Variants in CTNNA3 observed in about 807,000 individuals in gnomAD.
CTNNA3 encodes the protein catenin alpha 3.
Under a neutral mutation model 95.7 loss-of-function variants are expected in CTNNA3, and 76 were observed. The observed-to-expected ratio is 0.79, with a 90% confidence interval of 0.66 to 0.96. CTNNA3 has a LOEUF of 0.96. Ranked by LOEUF, CTNNA3 falls within the 40% of genes least tolerant of loss-of-function variation. The probability of loss-of-function intolerance (pLI) is 0.00; values close to 1 mark genes in which losing one functional copy is unlikely to be tolerated. For synonymous variants in CTNNA3, 431 were observed against 374.4 expected (o/e 1.15, Z -1.74); for missense variants, 1,191 against 1,089.8 (o/e 1.09, Z -1.31).
At chr10:67,157,669 C>G (rs927396251) in intron 7 of CTNNA3, among the ~76,000 whole-genome samples, 2 of 152,014 alleles carry the variant, frequency 1.3e-5, no homozygotes, top group African/African-American at 4.8e-5. Flanking sequence ...TTTGTTTTTG[C>G]AATTAGCCGC....
At chr10:66,482,890 TAAG>T (rs1056080479) in intron 11 of CTNNA3, among the ~76,000 whole-genome samples, 4 of 152,056 alleles carry the variant, frequency 2.6e-5, no homozygotes, top group African/African-American at 9.7e-5. Context: ...ATGTGGGAAT[TAAG>T]GAGGAGGGCC....
chr10:66,583,229 T>A (rs1383402155), intron 10 of CTNNA3, among the ~76,000 whole-genome samples: 1 of 151,882 alleles, frequency 6.6e-6, no homozygotes, highest in South Asian at 2.1e-4. Flanking sequence ...ATTCTTTGGA[T>A]GTCTGGTAGA....
chr10:66,642,428 C>T (rs2132383765), intron 9 of CTNNA3, among the ~76,000 whole-genome samples: 1 of 152,118 alleles, frequency 6.6e-6, no homozygotes, highest in African/African-American at 2.4e-5. Context: ...ACCCTACACA[C>T]CAGTTGTGTG....
At chr10:66,719,058 A>G (rs953573678) in intron 9 of CTNNA3, among the ~76,000 whole-genome samples, 1 of 152,102 alleles carries the variant, frequency 6.6e-6, no homozygotes, top group Admixed American at 6.6e-5. Context: ...AAATCACTCA[A>G]TGTTCTCCAA....
intron 12 of CTNNA3, among the ~76,000 whole-genome samples, chr10:66,370,618 G>A (rs2092746541): frequency 6.6e-6 from 1 of 152,090 alleles, no homozygotes; most frequent in South Asian, 2.1e-4. Context: ...CTGGGAAGGA[G>A]CTAAAACTGC....
At chr10:67,467,000 C>A (rs1847619666) in intron 5 of CTNNA3, among the ~76,000 whole-genome samples, 1 of 152,128 alleles carries the variant, frequency 6.6e-6, no homozygotes, top group South Asian at 2.1e-4. Flanking sequence ...TTGCTGGGCA[C>A]AGTAGCGCAC....
At chr10:66,900,074 G>A (rs1845672946) in intron 7 of CTNNA3, among the ~76,000 whole-genome samples, 1 of 152,126 alleles carries the variant, frequency 6.6e-6, no homozygotes, top group African/African-American at 2.4e-5. Context: ...TGTGTAGCCT[G>A]ACTGGGAGGC....
intron 3 of CTNNA3, among the ~76,000 whole-genome samples, chr10:67,540,738 T>C (rs553359011): frequency 2.0e-5 from 3 of 152,054 alleles, no homozygotes; most frequent in African/African-American, 7.2e-5. Flanking sequence ...TGTAAAAATA[T>C]AGAGCCTTTA....
At chr10:66,166,035 G>A (rs966037040) in intron 13 of CTNNA3, among the ~76,000 whole-genome samples, 2 of 151,722 alleles carry the variant, frequency 1.3e-5, no homozygotes, top group African/African-American at 4.8e-5. Flanking sequence ...CAAAGTGCTG[G>A]GATTACAGGT....
chr10:67,459,722 A>G (rs555386978), intron 5 of CTNNA3, among the ~76,000 whole-genome samples: 1 of 152,226 alleles, frequency 6.6e-6, no homozygotes, highest in Middle Eastern at 3.4e-3. Flanking sequence ...TAAGTAAATT[A>G]CTCTTTTGAC....
At chr10:67,407,486 T>C (rs188511001) in intron 5 of CTNNA3, among the ~76,000 whole-genome samples, 3 of 152,262 alleles carry the variant, frequency 2.0e-5, no homozygotes, top group Non-Finnish European at 4.4e-5. Context: ...GCTGGAAGCA[T>C]TCCCCTTAAA....
At chr10:66,791,891 T>C (rs528110711) in intron 7 of CTNNA3, among the ~76,000 whole-genome samples, 21 of 152,346 alleles carry the variant, frequency 1.4e-4, no homozygotes, top group Middle Eastern at 3.4e-3. Context: ...ACTATACTTA[T>C]GCACTATAAT....
chr10:66,513,732 C>T (rs916936793), intron 11 of CTNNA3, among the ~76,000 whole-genome samples: 1 of 152,124 alleles, frequency 6.6e-6, no homozygotes, highest in African/African-American at 2.4e-5. Context: ...ACATGATGGC[C>T]CAATTGCTGC....
At chr10:66,540,029 C>A (rs568370137) in intron 10 of CTNNA3, among the ~76,000 whole-genome samples, 1 of 152,168 alleles carries the variant, frequency 6.6e-6, no homozygotes, top group African/African-American at 2.4e-5. Flanking sequence ...TCTTAGAAAG[C>A]TGACCTTCTT....
intron 5 of CTNNA3, among the ~76,000 whole-genome samples, chr10:67,483,789 A>C (rs1172881468): frequency 5.0e-5 from 7 of 141,330 alleles, no homozygotes; most frequent in Admixed American, 4.2e-4. Context: ...AAAAAAAAAC[A>C]AAAAAAAAAC....
intron 11 of CTNNA3, among the ~76,000 whole-genome samples, chr10:66,428,852 G>C (rs1351979337): frequency 1.3e-4 from 19 of 151,974 alleles, no homozygotes; most frequent in African/African-American, 4.1e-4. Flanking sequence ...AACTAGAAAA[G>C]CAAGAGCAAA....
chr10:66,542,272 C>CA lies in CTNNA3; in HGVS notation c.1375-21500dup, dbSNP rs567868303. On this transcript the variant is annotated intron_variant, in intron 10 of 17. Coordinates refer to ENST00000433211, the MANE Select transcript of CTNNA3 (RefSeq NM_013266.4). ...TGGAGAGGATGTGGAGAAATAGGAACACTTTTACACTGTTGGTGGGACTGT... is the reference window on the plus strand; with the variant it reads ...TGGAGAGGATGTGGAGAAATAGGAACAACTTTTACACTGTTGGTGGGACTGT... Among the ~76,000 whole-genome samples, 1,507 of 152,148 alleles carry CA rather than the reference C, an allele frequency of 9.9e-3. 23 individuals are homozygous for CA. The highest frequency in any genetic ancestry group is 0.035 in the African/African-American group (1,453 of 41,512).
chr10:67,402,898 C>T (rs1253180896), intron 5 of CTNNA3, among the ~76,000 whole-genome samples: 3 of 152,212 alleles, frequency 2.0e-5, no homozygotes, highest in African/African-American at 7.2e-5. Context: ...TCCATACATA[C>T]CCCTAGGAAG....
At chr10:66,469,041 G>T (rs544861291) in intron 11 of CTNNA3, among the ~76,000 whole-genome samples, 1 of 151,656 alleles carries the variant, frequency 6.6e-6, no homozygotes, top group Admixed American at 6.6e-5. Flanking sequence ...TAAAAACCTG[G>T]ATCCAATGCA....
Sources: allele counts gnomAD v4.1 joint callset (sites outside exome capture counted in the v4.1 genomes callset), GRCh38; gene constraint gnomAD v4.1.1; transcripts MANE v1.5; gene names NCBI Gene and HGNC (gene_info 2026-07-23, HGNC 2026-07-21).